Variants in DDX60 observed in about 807,000 individuals in gnomAD.
The protein encoded by DDX60 is probable ATP-dependent RNA helicase DDX60.
DDX60 carries 165 observed loss-of-function variants against 212.8 expected under a neutral mutation model. The observed-to-expected ratio is 0.78, with a 90% CI of 0.68 to 0.88. The LOEUF is 0.88. DDX60 is among the 40% of genes least tolerant of loss of function. The pLI, the probability that DDX60 is intolerant of heterozygous loss-of-function variation, is 0.00. For missense variants in DDX60, 1,905 were observed against 2,003.9 expected (o/e 0.95, Z 0.94); for synonymous variants, 703 against 685.3 (o/e 1.03, Z -0.40).
intron 5 of DDX60, 46 bp from the exon 6 acceptor site, chr4:168,302,462 G>T: frequency 3.6e-6 from 3 of 826,934 alleles, no homozygotes; most frequent in South Asian, 2.8e-5. Context: ...AATAAAATAT[G>T]TAATTATTTT....
At chr4:168,235,410 ATAGT>A (rs1219926381) in intron 33 of DDX60, among the ~76,000 whole-genome samples, 1 of 152,054 alleles carries the variant, frequency 6.6e-6, no homozygotes, top group Non-Finnish European at 1.5e-5. Context: ...CAAAATAGAG[ATAGT>A]GAATTTTCTA....
At position 168,317,733 on chromosome 4, in the gene DDX60, G is replaced by A. The variant is rs1160205281; in HGVS notation, c.-107+889C>T. ...AGTAGACTCGGGAGATTCCCCCAAA[G>A]AGGCTTATACCTTCTTTAAAGGTAC... On this transcript the variant is annotated intron_variant, in intron 1 of 37. Transcript: ENST00000393743. Among the ~76,000 whole-genome samples, 8 of 152,234 alleles carry A rather than the reference G, an allele frequency of 5.3e-5. No homozygotes were observed. In the South Asian group the frequency reaches 1.7e-3, roughly 32 times the overall value.
chr4:168,227,969 T>C (rs952288043), intron 33 of DDX60, among the ~76,000 whole-genome samples: 1 of 152,130 alleles, frequency 6.6e-6, no homozygotes, highest in Non-Finnish European at 1.5e-5. Flanking sequence ...ATAAATAGCA[T>C]ATATAGTCTG....
chr4:168,241,343 AC>A (rs1241949375), intron 30 of DDX60, among the ~76,000 whole-genome samples: 1 of 152,228 alleles, frequency 6.6e-6, no homozygotes, highest in Non-Finnish European at 1.5e-5. Flanking sequence ...GGAATTGGGT[AC>A]TAGGCAGAAA....
At chr4:168,236,932 C>T (rs756311678) in intron 32 of DDX60, among the ~76,000 whole-genome samples, 10 of 150,976 alleles carry the variant, frequency 6.6e-5, no homozygotes, top group Non-Finnish European at 1.3e-4. Context: ...TTATTTTTAA[C>T]TTAATGCTTT....
chr4:168,284,832 A>T lies in DDX60; in HGVS notation c.1549T>A (p.Cys517Ser). The T allele has an allele frequency of 6.5e-7, 1 of 1,542,524 alleles. No individual in the cohort carries two copies. The highest frequency in any genetic ancestry group is 8.8e-7 in the Non-Finnish European group (1 of 1,134,070). ...TCACAGAGCTTACCATCAAACTGAC[A>T]CCTGGACCTGTCATAATCATCACTC... ...PLSDDYDRSRCQFDEKSRDPR... is the reference protein window; with the variant it reads ...PLSDDYDRSRSQFDEKSRDPR... Residue 517 changes from cysteine (C) to serine (S), a missense_variant, in exon 12 of 38, where the codon TGT becomes AGT. Coordinates refer to ENST00000393743, the MANE Select transcript of DDX60 (RefSeq NM_017631.6).
chr4:168,276,172 G>C lies in DDX60; in HGVS notation c.1988C>G (p.Thr663Arg), dbSNP rs140225120. Residue 663 changes from threonine (T) to arginine (R), a missense_variant, in exon 15 of 38, where the codon ACG becomes AGG. Thr to Arg is a moderately conservative substitution (Grantham distance 71). Transcript: ENST00000393743. ...CTGAACAGCTATACTTAAATCTTTC[G>C]TGGTTTTACCTTGATAAACAATAAA... ...EHCRSEEGKT[T>R]KDLSIAVQVM... 3.7e-6 allele frequency: 6 copies of C among 1,601,992 alleles called. No individual in the cohort carries two copies. Among genetic ancestry groups the C allele is most frequent in the African/African-American group, 1.3e-5 (1 of 74,468 alleles).
At position 168,268,978 on chromosome 4, in the gene DDX60, C is replaced by CAA. The variant is rs33910888; in HGVS notation, c.2671-11_2671-10dup. ...CCACCAAGACAATGAACCTATTAAA[C>CAA]AAAAAAAAAAAAATCTCAACTGAAA... On this transcript the variant is annotated splice_polypyrimidine_tract_variant and intron_variant, in intron 19 of 37. Coordinates refer to ENST00000393743, the MANE Select transcript of DDX60 (RefSeq NM_017631.6). 1.9e-4 allele frequency: 216 copies of CAA among 1,141,244 alleles called. No homozygotes were observed. The highest frequency in any genetic ancestry group is 1.0e-3 in the African/African-American group (61 of 60,258). The allele number at this position is 1,141,244 out of a possible 1,614,324, so 70.7% of individuals were successfully genotyped here.
chr4:168,306,251 T>G, intron 5 of DDX60, 128 bp downstream of exon 5: 1 of 577,430 alleles, frequency 1.7e-6, no homozygotes, highest in Non-Finnish European at 3.0e-6. Context: ...TACTTAATAT[T>G]ATTAATTGTT....
At chr4:168,236,009 T>C in intron 33 of DDX60, 1 of 386,234 alleles carries the variant, frequency 2.6e-6, no homozygotes, top group Non-Finnish European at 4.6e-6. Context: ...TACAATCAAA[T>C]GAAAAACATG....
intron 14 of DDX60, 116 bp downstream of exon 14, chr4:168,280,219 T>C: frequency 7.7e-7 from 1 of 1,301,108 alleles, no homozygotes; most frequent in South Asian, 1.5e-5. Flanking sequence ...ATGTATAAAG[T>C]AAGATAGGGC....
intron 2 of DDX60, 47 bp from the exon 3 acceptor site, chr4:168,311,114 T>C: frequency 2.8e-6 from 4 of 1,428,842 alleles, no homozygotes; most frequent in Non-Finnish European, 3.9e-6. Flanking sequence ...ATTTTTCAAT[T>C]GGTCCTTTTT....
Position 168,268,917 on chromosome 4 carries a change from A to C in DDX60, c.2723T>G (p.Val908Gly). 1 of 1,599,240 alleles carries C rather than the reference A, an allele frequency of 6.3e-7. No individual in the cohort carries two copies. Among genetic ancestry groups the C allele is most frequent in the Non-Finnish European group, 8.5e-7 (1 of 1,170,448 alleles). The change falls in exon 20 of 38, where the codon GTC (valine) becomes GGC (glycine). Residue 908 changes from valine to glycine, a missense_variant. Coordinates refer to ENST00000393743, the MANE Select transcript of DDX60 (RefSeq NM_017631.6). ...IGAEIWEHLL[V>G]MIRCPFLALS... ...AGCCAAAAAGGGACATCGGATCATG[A>C]CAAGGAGATGTTCCCAGATTTCTGC...
intron 1 of DDX60, among the ~76,000 whole-genome samples, chr4:168,315,833 G>C (rs1213314995): frequency 1.3e-5 from 2 of 152,098 alleles, no homozygotes; most frequent in Non-Finnish European, 2.9e-5. Flanking sequence ...TCATTAATGG[G>C]TATTTGGGTT....
At chr4:168,229,859 T>C (rs992777997) in intron 33 of DDX60, among the ~76,000 whole-genome samples, 14 of 152,178 alleles carry the variant, frequency 9.2e-5, no homozygotes, top group East Asian at 3.9e-4. Flanking sequence ...AATAGAATAG[T>C]ACCTCACATT....
chr4:168,275,999 A>G lies in DDX60; in HGVS notation c.2145+16T>C. 4.4e-6 allele frequency: 7 copies of G among 1,599,582 alleles called. No homozygotes were observed. The highest frequency in any genetic ancestry group is 6.0e-6 in the Non-Finnish European group (7 of 1,170,908). Reference sequence around the variant, plus strand: ...ATAATTACCCTGTTGAAATTGAGCTATTCTGATAATATTACCTGGGCTGGA... The same window carrying G: ...ATAATTACCCTGTTGAAATTGAGCTGTTCTGATAATATTACCTGGGCTGGA... On this transcript the variant is annotated intron_variant, in intron 15 of 37. Transcript: ENST00000393743.
At chr4:168,281,348 T>C (rs1205092815) in intron 13 of DDX60, among the ~76,000 whole-genome samples, 2 of 152,210 alleles carry the variant, frequency 1.3e-5, no homozygotes, top group Admixed American at 6.5e-5. Flanking sequence ...GTCGAAGTCA[T>C]GTATTCTTCC....
intron 27 of DDX60, 88 bp from the exon 28 acceptor site, chr4:168,251,194 AT>A: frequency 7.7e-7 from 1 of 1,299,552 alleles, no homozygotes; most frequent in Non-Finnish European, 1.1e-6. Flanking sequence ...ATACTATGTA[AT>A]AATTTGGCTA....
chr4:168,292,049 C>CTTTCTTTTT (rs58664687), intron 7 of DDX60, 143 bp from the exon 8 acceptor site: 2 of 303,592 alleles, frequency 6.6e-6, no homozygotes, highest in African/African-American at 5.7e-5. Context: ...TTCTTTCTTT[C>CTTTCTTTTT]TTTTTTTTTT....
Sources: gnomAD v4.1 joint callset for allele counts (sites outside exome capture counted in the v4.1 genomes callset) on GRCh38, gnomAD v4.1.1 for gene constraint, MANE v1.5 for transcripts, NCBI Gene and HGNC (gene_info 2026-07-23, HGNC 2026-07-21) for gene names.